CIMIP6: variants seen among roughly 807,000 people sequenced by gnomAD.
CIMIP6 encodes uncharacterized protein C2orf73.
chr2:54,341,736 TAA>T, the CIMIP6 span, among the ~76,000 whole-genome samples: 2 of 152,154 alleles, frequency 1.3e-5, no homozygotes, highest in Admixed American at 6.5e-5. Flanking sequence ...TTCTCATCTG[TAA>T]AGTGGATGTG....
the CIMIP6 span, among the ~76,000 whole-genome samples, chr2:54,353,775 T>C: frequency 6.6e-6 from 1 of 152,160 alleles, no homozygotes; most frequent in Non-Finnish European, 1.5e-5. Context: ...TTCTGTCCCA[T>C]TAGTTCCCAC....
the CIMIP6 span, among the ~76,000 whole-genome samples, chr2:54,341,170 G>A: frequency 2.0e-5 from 3 of 152,158 alleles, no homozygotes; most frequent in Non-Finnish European, 2.9e-5. Context: ...GCTATGGTTT[G>A]AATGTTTGTC....
the CIMIP6 span, among the ~76,000 whole-genome samples, chr2:54,338,092 A>G: frequency 6.6e-6 from 1 of 151,788 alleles, no homozygotes; most frequent in Non-Finnish European, 1.5e-5. Context: ...AGCTATGTTC[A>G]TGCCATTGCA....
At chr2:54,338,406 G>C in the CIMIP6 span, among the ~76,000 whole-genome samples, 4 of 17,616 alleles carry the variant, frequency 2.3e-4, 1 homozygote, top group African/African-American at 7.2e-4. Flanking sequence ...CTGTGCTCCA[G>C]CCTGTGCAAC....
chr2:54,363,720 T>C, the CIMIP6 span, among the ~76,000 whole-genome samples: 1 of 152,220 alleles, frequency 6.6e-6, no homozygotes, highest in Non-Finnish European at 1.5e-5. Context: ...TCTATATTTA[T>C]CTACATTTTA....
the CIMIP6 span, among the ~76,000 whole-genome samples, chr2:54,374,213 T>C: frequency 6.6e-6 from 1 of 152,258 alleles, no homozygotes; most frequent in Non-Finnish European, 1.5e-5. Flanking sequence ...TATCTGAGCA[T>C]GTCTTGCCCT....
At chr2:54,351,298 G>A in the CIMIP6 span, among the ~76,000 whole-genome samples, 1 of 152,078 alleles carries the variant, frequency 6.6e-6, no homozygotes, top group Non-Finnish European at 1.5e-5. Flanking sequence ...TATACCCAAA[G>A]GAATATAAAT....
the CIMIP6 span, chr2:54,381,911 G>A: frequency 6.4e-7 from 1 of 1,550,578 alleles, no homozygotes; most frequent in Non-Finnish European, 8.7e-7. Context: ...AGGAAGAAAA[G>A]GAACAGAGAG....
At chr2:54,354,218 C>T in the CIMIP6 span, among the ~76,000 whole-genome samples, 1 of 152,074 alleles carries the variant, frequency 6.6e-6, no homozygotes, top group Non-Finnish European at 1.5e-5. Context: ...ATTTTCAGTT[C>T]CTGGATCAGT....
chr2:54,361,416 T>C, the CIMIP6 span: 3 of 152,226 alleles, frequency 2.0e-5, no homozygotes, highest in Non-Finnish European at 2.9e-5. Flanking sequence ...ATATGTTATA[T>C]TGCATACAAG....
the CIMIP6 span, among the ~76,000 whole-genome samples, chr2:54,333,494 G>A: frequency 1.3e-5 from 2 of 152,126 alleles, no homozygotes; most frequent in African/African-American, 4.8e-5. Flanking sequence ...GAGTGAAGTC[G>A]AAGAGGTTCA....
At chr2:54,354,413 T>C in the CIMIP6 span, among the ~76,000 whole-genome samples, 1 of 152,134 alleles carries the variant, frequency 6.6e-6, no homozygotes, top group South Asian at 2.1e-4. Flanking sequence ...ACATTATATA[T>C]TAATTTAGGA....
At chr2:54,362,581 C>T in the CIMIP6 span, among the ~76,000 whole-genome samples, 1 of 152,164 alleles carries the variant, frequency 6.6e-6, no homozygotes. Context: ...GAGGCAGTCT[C>T]TCCAGAGCCA....
the CIMIP6 span, among the ~76,000 whole-genome samples, chr2:54,348,868 A>G: frequency 3.3e-5 from 5 of 152,194 alleles, no homozygotes; most frequent in Admixed American, 3.3e-4. Flanking sequence ...TCTTGTGCCG[A>G]CAATTCAAAG....
chr2:54,349,910 C>T, the CIMIP6 span, among the ~76,000 whole-genome samples: 4 of 148,716 alleles, frequency 2.7e-5, no homozygotes, highest in African/African-American at 5.0e-5. Flanking sequence ...GGGCAAGTGG[C>T]GTGATCTCGG....
At chr2:54,368,729 A>AT in the CIMIP6 span, among the ~76,000 whole-genome samples, 3 of 152,202 alleles carry the variant, frequency 2.0e-5, no homozygotes, top group Non-Finnish European at 4.4e-5. Flanking sequence ...ACAAAGTCCA[A>AT]TAAAAACTCT....
chr2:54,358,956 T>C, the CIMIP6 span: 1 of 1,478,524 alleles, frequency 6.8e-7, no homozygotes, highest in East Asian at 2.5e-5. Flanking sequence ...ATCTTTTTTT[T>C]AGTACCACTT....
chr2:54,354,758 A>AG, the CIMIP6 span, among the ~76,000 whole-genome samples: 1 of 151,952 alleles, frequency 6.6e-6, no homozygotes, highest in African/African-American at 2.4e-5. Context: ...AGGTAATTAT[A>AG]TTACCTACAA....
chr2:54,365,479 A>G, the CIMIP6 span, among the ~76,000 whole-genome samples: 1 of 152,198 alleles, frequency 6.6e-6, no homozygotes, highest in Non-Finnish European at 1.5e-5. Flanking sequence ...AGAATTACAG[A>G]CAATAGAACA....
Sources: gnomAD v4.1 joint callset for allele counts (sites outside exome capture counted in the v4.1 genomes callset) on GRCh38, gnomAD v4.1.1 for gene constraint, MANE v1.5 for transcripts, NCBI Gene and HGNC (gene_info 2026-07-23, HGNC 2026-07-21) for gene names.